ARFIP1: variants seen among roughly 807,000 people sequenced by gnomAD.
ARFIP1 encodes the protein ARF interacting protein 1.
ARFIP1 carries 24 observed loss-of-function variants against 42.5 expected under a neutral mutation model. The ratio of observed to expected loss-of-function variants is 0.57; its 90% CI spans 0.41 to 0.80. The LOEUF (loss-of-function observed/expected upper bound fraction) is 0.80. Among genes scored for constraint, ARFIP1 ranks in the 30% least tolerant of loss-of-function variants. The pLI, the probability that ARFIP1 is intolerant of heterozygous loss-of-function variation, is 0.00. For missense variants in ARFIP1, 354 were observed against 434.0 expected, an observed-to-expected ratio of 0.82 and a Z score of 1.64; for synonymous variants, 141 against 153.7, an observed-to-expected ratio of 0.92 and a Z score of 0.61.
intron 1 of ARFIP1, chr4:152,796,381 G>A: frequency 1.4e-6 from 1 of 724,198 alleles, no homozygotes; most frequent in Non-Finnish European, 2.5e-6. Flanking sequence ...CTCTAGCAAA[G>A]CAGACTTCAG....
chr4:152,789,798 T>C (rs1731044127), intron 1 of ARFIP1, among the ~76,000 whole-genome samples: 1 of 152,232 alleles, frequency 6.6e-6, no homozygotes, highest in African/African-American at 2.4e-5. Context: ...TCCTTTGACA[T>C]ACTCCTGTCA....
In ARFIP1 at chr4:152,860,046, T is replaced by C. The variant is rs533591233; in HGVS notation, c.94-3560T>C. On this transcript the variant is annotated intron_variant, in intron 2 of 8. Transcript: ENST00000353617. ...CTTAGATATAATGGTCAGTTTTACATATAAGAAAATAATCTTTCATCATTC... is the reference window on the plus strand; with the variant it reads ...CTTAGATATAATGGTCAGTTTTACACATAAGAAAATAATCTTTCATCATTC... 1.1e-4 allele frequency among the ~76,000 whole-genome samples: 16 copies of C among 152,234 alleles called. 1 individual carries two copies. The South Asian group carries it at 3.3e-3, about 32-fold the overall frequency.
intron 1 of ARFIP1, among the ~76,000 whole-genome samples, chr4:152,787,230 A>G (rs1246541561): frequency 6.6e-6 from 1 of 152,206 alleles, no homozygotes; most frequent in Non-Finnish European, 1.5e-5. Flanking sequence ...AAGAATTTGA[A>G]TATGAATTTT....
chr4:152,886,108 G>A (rs1336206556), intron 7 of ARFIP1, among the ~76,000 whole-genome samples: 1 of 150,432 alleles, frequency 6.6e-6, no homozygotes, highest in African/African-American at 2.5e-5. Flanking sequence ...TTTTGTATTT[G>A]TCTCCTTAGC....
At chr4:152,786,731 C>A (rs1730831587) in intron 1 of ARFIP1, among the ~76,000 whole-genome samples, 2 of 152,180 alleles carry the variant, frequency 1.3e-5, no homozygotes, top group Non-Finnish European at 2.9e-5. Context: ...TGCTTAACAG[C>A]CTTTAGCTCT....
chr4:152,887,635 A>G (rs1291648543), intron 7 of ARFIP1, among the ~76,000 whole-genome samples: 2 of 152,102 alleles, frequency 1.3e-5, no homozygotes. Flanking sequence ...ATTAATTATT[A>G]TTTCATTGTA....
chr4:152,879,657 C>G (rs1444044571), intron 5 of ARFIP1, among the ~76,000 whole-genome samples: 1 of 152,078 alleles, frequency 6.6e-6, no homozygotes, highest in East Asian at 1.9e-4. Context: ...CGAGACCAGC[C>G]TGACCAACAT....
intron 1 of ARFIP1, among the ~76,000 whole-genome samples, chr4:152,790,473 GTAATT>G (rs1731081068): frequency 6.6e-6 from 1 of 152,132 alleles, no homozygotes; most frequent in Admixed American, 6.5e-5. Flanking sequence ...TTTTCAGAGA[GTAATT>G]TAGTTTTGAG....
intron 2 of ARFIP1, among the ~76,000 whole-genome samples, chr4:152,842,251 G>A (rs1023854637): frequency 2.0e-5 from 3 of 151,076 alleles, no homozygotes; most frequent in East Asian, 1.9e-4. Flanking sequence ...CCAAGCATTC[G>A]AGCCAGCAAT....
intron 3 of ARFIP1, among the ~76,000 whole-genome samples, chr4:152,869,429 A>G (rs1734680883): frequency 6.6e-6 from 1 of 151,694 alleles, no homozygotes; most frequent in Non-Finnish European, 1.5e-5. Flanking sequence ...AATGTTGGGT[A>G]GTCAGTGTTT....
chr4:152,823,584 G>A (rs1730561579), intron 1 of ARFIP1, among the ~76,000 whole-genome samples: 1 of 151,848 alleles, frequency 6.6e-6, no homozygotes, highest in Non-Finnish European at 1.5e-5. Context: ...TTCGAGACCA[G>A]CCCAGCCAAC....
At chr4:152,822,934 C>G (rs1216137642) in intron 1 of ARFIP1, among the ~76,000 whole-genome samples, 1 of 152,026 alleles carries the variant, frequency 6.6e-6, no homozygotes, top group Non-Finnish European at 1.5e-5. Flanking sequence ...GTGCTAAACA[C>G]CTACATAAAA....
chr4:152,856,735 GT>G (rs1315821434), intron 2 of ARFIP1, among the ~76,000 whole-genome samples: 1 of 152,088 alleles, frequency 6.6e-6, no homozygotes, highest in Non-Finnish European at 1.5e-5. Flanking sequence ...TTTGAGGGGT[GT>G]TTTGGTACTT....
chr4:152,846,293 C>A (rs1029542209), intron 2 of ARFIP1, among the ~76,000 whole-genome samples: 5 of 152,074 alleles, frequency 3.3e-5, no homozygotes, highest in African/African-American at 1.2e-4. Flanking sequence ...TACCCCAAAC[C>A]TCAGCATAAT....
In ARFIP1 at chr4:152,846,167, C is replaced by T. The variant is rs182712654; in HGVS notation, c.93+16441C>T. 3.3e-5 allele frequency among the ~76,000 whole-genome samples: 5 copies of T among 152,100 alleles called. No homozygotes were observed. In the East Asian group the frequency reaches 9.6e-4, roughly 29 times the overall value. ...TAGCTAAACACTGGATACTCATGGA[C>T]ATAAAGATGGCAAGAATAGAAACTG... On this transcript the variant is annotated intron_variant, in intron 2 of 8. Coordinates refer to ENST00000353617, the MANE Select transcript of ARFIP1 (RefSeq NM_001025595.3).
intron 1 of ARFIP1, among the ~76,000 whole-genome samples, chr4:152,815,039 C>G (rs1729757845): frequency 6.6e-6 from 1 of 152,174 alleles, no homozygotes; most frequent in South Asian, 2.1e-4. Context: ...TTCTTTTTAC[C>G]TGTCCTCAGA....
intron 6 of ARFIP1, among the ~76,000 whole-genome samples, chr4:152,881,925 A>C (rs1316607369): frequency 6.6e-6 from 1 of 152,192 alleles, no homozygotes; most frequent in East Asian, 1.9e-4. Context: ...TTTCAACTGA[A>C]ATTGAAAAGT....
chr4:152,854,619 C>T (rs540969164), intron 2 of ARFIP1, among the ~76,000 whole-genome samples: 5 of 152,286 alleles, frequency 3.3e-5, no homozygotes, highest in African/African-American at 1.2e-4. Flanking sequence ...TAGGGGAGGA[C>T]TTTTTCCTGA....
At chr4:152,865,297 G>C (rs144367239) in intron 3 of ARFIP1, among the ~76,000 whole-genome samples, 1 of 151,808 alleles carries the variant, frequency 6.6e-6, no homozygotes. Flanking sequence ...CCACCATGCC[G>C]GGCTAATTTT....
Sources: allele counts gnomAD v4.1 joint callset (sites outside exome capture counted in the v4.1 genomes callset), GRCh38; gene constraint gnomAD v4.1.1; transcripts MANE v1.5; gene names NCBI Gene and HGNC (gene_info 2026-07-23, HGNC 2026-07-21).